BLTP1: variants seen among roughly 807,000 people sequenced by gnomAD.
BLTP1 encodes the protein fragile site-associated protein.
At chr4:122,352,816 A>G in the BLTP1 span, 3 of 1,520,386 alleles carry the variant, frequency 2.0e-6, no homozygotes, top group Non-Finnish European at 1.8e-6. Flanking sequence ...CTGAGACTGT[A>G]GAAAGTAGCC....
At chr4:122,280,248 A>G in the BLTP1 span, 8 of 946,754 alleles carry the variant, frequency 8.4e-6, no homozygotes, top group Middle Eastern at 5.3e-4. Context: ...TGGGTATTGT[A>G]AGAGGTACTA....
chr4:122,331,595 T>C, the BLTP1 span: 2 of 1,543,052 alleles, frequency 1.3e-6, no homozygotes, highest in Non-Finnish European at 8.7e-7. Context: ...AGAAATACTA[T>C]TCATATATCA....
the BLTP1 span, chr4:122,261,222 C>T: frequency 2.4e-6 from 2 of 830,392 alleles, no homozygotes; most frequent in Non-Finnish European, 2.9e-6. Context: ...ATTGTTTCCA[C>T]AGTATAGTTA....
chr4:122,235,704 C>G, the BLTP1 span: 1 of 152,792 alleles, frequency 6.5e-6, no homozygotes, highest in Admixed American at 6.5e-5. Context: ...ACTCGGGAGG[C>G]TGAGGCAGGA....
chr4:122,354,009 G>T, the BLTP1 span: 1 of 1,613,258 alleles, frequency 6.2e-7, no homozygotes, highest in Non-Finnish European at 8.5e-7. Context: ...ACAGCTACAA[G>T]GAATGAAGGT....
the BLTP1 span, chr4:122,178,291 A>G: frequency 3.4e-6 from 1 of 292,814 alleles, no homozygotes; most frequent in African/African-American, 2.3e-5. Context: ...TACATAAGCA[A>G]TAGTTTACTA....
the BLTP1 span, chr4:122,293,233 C>T: frequency 1.1e-6 from 1 of 940,984 alleles, no homozygotes; most frequent in Non-Finnish European, 1.3e-6. Context: ...TTGATTGACA[C>T]AAAAGTAGGA....
the BLTP1 span, among the ~76,000 whole-genome samples, chr4:122,216,025 T>G: frequency 6.6e-6 from 1 of 152,150 alleles, no homozygotes; most frequent in African/African-American, 2.4e-5. Flanking sequence ...CATTCCTTTT[T>G]ATGGCTGAGT....
the BLTP1 span, chr4:122,169,971 T>G: frequency 1.0e-6 from 1 of 985,300 alleles, no homozygotes; most frequent in Non-Finnish European, 1.2e-6. Context: ...ATTTGTTTAA[T>G]GTAGATGGCT....
At chr4:122,244,104 G>C in the BLTP1 span, 2 of 1,391,074 alleles carry the variant, frequency 1.4e-6, no homozygotes, top group South Asian at 3.7e-5. Flanking sequence ...TATGTGATAT[G>C]TTCGTGTAGA....
At chr4:122,230,263 C>G in the BLTP1 span, 3 of 1,473,950 alleles carry the variant, frequency 2.0e-6, no homozygotes, top group Non-Finnish European at 2.8e-6. Flanking sequence ...ATGAAAAAAA[C>G]TAGATAATTG....
the BLTP1 span, chr4:122,187,087 T>C: frequency 1.0e-6 from 1 of 984,112 alleles, no homozygotes; most frequent in Non-Finnish European, 1.2e-6. Flanking sequence ...TAACTTTGGC[T>C]GTCTTATAAA....
At chr4:122,157,551 A>G in the BLTP1 span, among the ~76,000 whole-genome samples, 2 of 152,138 alleles carry the variant, frequency 1.3e-5, no homozygotes, top group Non-Finnish European at 2.9e-5. Context: ...CTATGAGAAT[A>G]ATGCCACCTG....
At chr4:122,346,079 G>A in the BLTP1 span, 106 of 887,952 alleles carry the variant, frequency 1.2e-4, no homozygotes, top group Non-Finnish European at 1.3e-4. Context: ...AATTTTAGCT[G>A]TGGGAGTCAT....
At chr4:122,263,425 A>G in the BLTP1 span, 1 of 1,574,440 alleles carries the variant, frequency 6.4e-7, no homozygotes, top group Non-Finnish European at 8.6e-7. Flanking sequence ...TTATACTCAG[A>G]AACATTTTAT....
At chr4:122,243,827 A>G in the BLTP1 span, 9 of 1,450,934 alleles carry the variant, frequency 6.2e-6, no homozygotes, top group Non-Finnish European at 6.4e-6. Context: ...TCTTTTTAAT[A>G]TACAATTTGC....
the BLTP1 span, chr4:122,167,587 C>G: frequency 9.2e-6 from 8 of 864,980 alleles, no homozygotes; most frequent in Non-Finnish European, 1.1e-5. Context: ...CATGGATGTT[C>G]TTCTCCTTCC....
the BLTP1 span, chr4:122,325,773 G>GT: frequency 2.5e-6 from 2 of 787,918 alleles, no homozygotes; most frequent in Non-Finnish European, 1.7e-6. Flanking sequence ...TGTTTATTTT[G>GT]TTTTTTGTGT....
chr4:122,265,160 C>T, the BLTP1 span, among the ~76,000 whole-genome samples: 2 of 152,094 alleles, frequency 1.3e-5, no homozygotes, highest in Non-Finnish European at 2.9e-5. Context: ...GCAGGACCAA[C>T]CCCCTACCCA....
Sources: gnomAD v4.1 joint callset for allele counts (sites outside exome capture counted in the v4.1 genomes callset) on GRCh38, gnomAD v4.1.1 for gene constraint, MANE v1.5 for transcripts, NCBI Gene and HGNC (gene_info 2026-07-23, HGNC 2026-07-21) for gene names.